The following LINGO2 variants were observed in gnomAD, a reference collection of about 807,000 sequenced individuals.
The protein encoded by LINGO2 is leucine rich repeat and Ig domain containing 2.
Under a neutral mutation model 30.6 loss-of-function variants are expected in LINGO2, and 14 were observed. That is an observed-to-expected ratio of 0.46 (90% CI 0.30 to 0.72). The LOEUF (loss-of-function observed/expected upper bound fraction) is 0.72. Among genes scored for constraint, LINGO2 ranks in the 30% least tolerant of loss-of-function variants. LINGO2 has a pLI of 0.07. For synonymous variants in LINGO2, 317 were observed against 288.5 expected, an observed-to-expected ratio of 1.10 and a Z score of -1.00; for missense variants, 729 against 751.7, an observed-to-expected ratio of 0.97 and a Z score of 0.35.
At chr9:28,517,250 C>T (rs1820656350) in intron 1 of LINGO2, among the ~76,000 whole-genome samples, 1 of 152,152 alleles carries the variant, frequency 6.6e-6, no homozygotes, top group African/African-American at 2.4e-5. Context: ...ACCACAGCTG[C>T]CACTCCTTCT....
At chr9:28,035,632 C>T (rs930931289) in intron 4 of LINGO2, among the ~76,000 whole-genome samples, 3 of 152,110 alleles carry the variant, frequency 2.0e-5, no homozygotes, top group African/African-American at 7.2e-5. Context: ...ATTTAAGTAT[C>T]TTGTTGACTT....
chr9:29,071,129 A>T, the LINGO2 span, among the ~76,000 whole-genome samples: 8 of 149,036 alleles, frequency 5.4e-5, no homozygotes, highest in Non-Finnish European at 1.2e-4. Context: ...TATGATATGC[A>T]CATCTACAAT....
chr9:28,470,071 T>G (rs1019699343), intron 2 of LINGO2, among the ~76,000 whole-genome samples: 1 of 152,132 alleles, frequency 6.6e-6, no homozygotes, highest in African/African-American at 2.4e-5. Context: ...GTGAAATCAA[T>G]AACATAAAGA....
the LINGO2 span, among the ~76,000 whole-genome samples, chr9:29,212,488 CCCCACCTG>C: frequency 6.6e-6 from 1 of 152,080 alleles, no homozygotes; most frequent in Admixed American, 6.5e-5. Flanking sequence ...CCGCCGCCGC[CCCCACCTG>C]CCCACCTGCG....
the LINGO2 span, among the ~76,000 whole-genome samples, chr9:29,178,671 ACCT>A: frequency 6.6e-6 from 1 of 152,154 alleles, no homozygotes; most frequent in Non-Finnish European, 1.5e-5. Context: ...AGGGAAGGAA[ACCT>A]CCTCTGATGA....
the LINGO2 span, among the ~76,000 whole-genome samples, chr9:28,713,110 C>T: frequency 1.3e-5 from 2 of 152,156 alleles, no homozygotes; most frequent in South Asian, 2.1e-4. Flanking sequence ...GTGATCAACC[C>T]GCCTCGGCCT....
intron 4 of LINGO2, among the ~76,000 whole-genome samples, chr9:28,247,968 A>G (rs1822061974): frequency 6.6e-6 from 1 of 152,184 alleles, no homozygotes; most frequent in African/African-American, 2.4e-5. Context: ...CAAATGCCAG[A>G]GAGGATGTGG....
intron 2 of LINGO2, among the ~76,000 whole-genome samples, chr9:28,440,127 C>G (rs1362745355): frequency 1.3e-5 from 2 of 152,104 alleles, no homozygotes; most frequent in African/African-American, 4.8e-5. Context: ...TACACAGTGA[C>G]ATTTTGTTTT....
At chr9:29,009,775 A>C in the LINGO2 span, among the ~76,000 whole-genome samples, 1 of 152,190 alleles carries the variant, frequency 6.6e-6, no homozygotes, top group Non-Finnish European at 1.5e-5. Context: ...CCTGACTTCA[A>C]ACTATACTAC....
the LINGO2 span, chr9:27,938,849 G>C: frequency 6.6e-6 from 1 of 152,170 alleles, no homozygotes; most frequent in Non-Finnish European, 1.5e-5. Context: ...GTAAATGAAT[G>C]AAAGGAGATT....
the LINGO2 span, among the ~76,000 whole-genome samples, chr9:29,065,269 G>C: frequency 6.6e-6 from 1 of 152,088 alleles, no homozygotes; most frequent in African/African-American, 2.4e-5. Context: ...AAGCTCTTTA[G>C]TATAATTAGG....
At chr9:28,742,780 T>G in the LINGO2 span, among the ~76,000 whole-genome samples, 1 of 152,010 alleles carries the variant, frequency 6.6e-6, no homozygotes, top group African/African-American at 2.4e-5. Flanking sequence ...AGTTTATACC[T>G]GTGGATTTGT....
chr9:28,144,846 A>G (rs1827770099), intron 4 of LINGO2, among the ~76,000 whole-genome samples: 1 of 152,262 alleles, frequency 6.6e-6, no homozygotes, highest in Admixed American at 6.5e-5. Flanking sequence ...ACAAGGATGT[A>G]AAGAAGATTG....
chr9:28,149,507 G>GC, intron 4 of LINGO2, among the ~76,000 whole-genome samples: 1 of 145,476 alleles, frequency 6.9e-6, no homozygotes, highest in African/African-American at 2.6e-5. Context: ...CTGCCCAGCC[G>GC]CCTCACAGTC....
intron 1 of LINGO2, among the ~76,000 whole-genome samples, chr9:28,549,539 C>A (rs111539159): frequency 3.7e-4 from 57 of 152,044 alleles, no homozygotes; most frequent in African/African-American, 1.3e-3. Flanking sequence ...TAGATATTTT[C>A]TCCAGAATAG....
At chr9:29,069,435 G>A in the LINGO2 span, among the ~76,000 whole-genome samples, 2 of 143,978 alleles carry the variant, frequency 1.4e-5, no homozygotes, top group African/African-American at 2.6e-5. Context: ...ATTATATAAT[G>A]TATCTAGGTC....
At position 28,329,893 on chromosome 9, in the gene LINGO2, A is replaced by T. The variant is rs1318117063; in HGVS notation, c.-245-34527T>A. Among the ~76,000 whole-genome samples the T allele has an allele frequency of 6.6e-6, 1 of 152,128 alleles. No homozygotes were observed. Among genetic ancestry groups the T allele is most frequent in the Middle Eastern group, 3.2e-3 (1 of 316 alleles). On this transcript the variant is annotated intron_variant, in intron 3 of 5. Coordinates refer to ENST00000379992, the Ensembl canonical transcript of LINGO2. The surrounding 1 kb of genome is among the most constrained non-coding windows in gnomAD (Gnocchi z 4.5). Reference sequence around the variant, plus strand: ...TGAAACTTTATTTGTCTATTTGTGTATTTAGCTCTTCCAATAGACACTTTC... The same window carrying T: ...TGAAACTTTATTTGTCTATTTGTGTTTTTAGCTCTTCCAATAGACACTTTC...
the LINGO2 span, among the ~76,000 whole-genome samples, chr9:28,810,168 A>G: frequency 1.3e-5 from 2 of 152,140 alleles, no homozygotes; most frequent in Admixed American, 1.3e-4. Context: ...TGCTTAGGTC[A>G]TTCATCCAGT....
At chr9:28,884,333 C>G in the LINGO2 span, among the ~76,000 whole-genome samples, 1 of 152,046 alleles carries the variant, frequency 6.6e-6, no homozygotes, top group Non-Finnish European at 1.5e-5. Context: ...ATTAACCAGT[C>G]ACATCACAGA....
Sources: allele counts gnomAD v4.1 joint callset (sites outside exome capture counted in the v4.1 genomes callset), GRCh38; gene constraint gnomAD v4.1.1; non-coding constraint Gnocchi (gnomAD v3.1); transcripts MANE v1.5; gene names NCBI Gene and HGNC (gene_info 2026-07-23, HGNC 2026-07-21).